The following MAN2A1 variants were observed in gnomAD, a reference collection of about 807,000 sequenced individuals.
MAN2A1 encodes the protein alpha-mannosidase 2.
Under a neutral mutation model 142.6 loss-of-function variants are expected in MAN2A1, and 76 were observed. The ratio of observed to expected loss-of-function variants is 0.53; its 90% CI spans 0.44 to 0.65. The LOEUF (loss-of-function observed/expected upper bound fraction) is 0.65, where lower values mean the gene tolerates loss of function less well. Ranked by LOEUF, MAN2A1 falls within the 30% of genes least tolerant of loss-of-function variation. The pLI is 0.00. For missense variants in MAN2A1, 1,311 were observed against 1,365.1 expected, an observed-to-expected ratio of 0.96 and a Z score of 0.62; for synonymous variants, 559 against 473.2, an observed-to-expected ratio of 1.18 and a Z score of -2.35.
intron 6 of MAN2A1, among the ~76,000 whole-genome samples, chr5:109,768,959 A>G (rs1469462532): frequency 6.6e-6 from 1 of 152,256 alleles, no homozygotes; most frequent in Non-Finnish European, 1.5e-5. Flanking sequence ...TGTTGAAAAC[A>G]TCCTTGCTTA....
intron 16 of MAN2A1, among the ~76,000 whole-genome samples, chr5:109,832,143 G>A (rs1239093224): frequency 2.1e-5 from 3 of 143,192 alleles, no homozygotes; most frequent in Non-Finnish European, 3.0e-5. Context: ...ATAAGTAGCT[G>A]GTAATGGAAG....
At position 109,842,806 on chromosome 5, in the gene MAN2A1, G is replaced by GTTTTT. The variant is rs768238978; in HGVS notation, c.2700+358_2700+362dup. On this transcript the variant is annotated intron_variant, in intron 17 of 21. Coordinates refer to ENST00000261483, the MANE Select transcript of MAN2A1 (RefSeq NM_002372.4). ...GGGATTGATGGATTATACTTATTGG[G>GTTTTT]TTTTTTTTTTTTTTTTTGAGAAAGA... is the stretch of plus-strand genomic sequence containing the variant. Among the ~76,000 whole-genome samples the GTTTTT allele has an allele frequency of 4.8e-4, 56 of 116,182 alleles. 3 individuals are homozygous for GTTTTT. The highest frequency in any genetic ancestry group is 0.01 in the Middle Eastern group (2 of 198). 76.2% of individuals were successfully genotyped at this position (116,182 alleles called of 152,430 possible).
intron 16 of MAN2A1, among the ~76,000 whole-genome samples, chr5:109,827,200 G>A (rs1289961902): frequency 2.6e-5 from 4 of 152,166 alleles, no homozygotes; most frequent in Non-Finnish European, 4.4e-5. Flanking sequence ...TACTGTAATT[G>A]TATTAGGTTA....
Position 109,757,045 on chromosome 5 carries a change from C to T in MAN2A1, c.835+1589C>T, listed in dbSNP as rs145353865. ...CCTGTATGACTCCATGGGGAGAGGA[C>T]GCTTAGAAGCTTGCACCTGGTTTCC... On this transcript the variant is annotated intron_variant, in intron 5 of 21. Coordinates refer to ENST00000261483, the MANE Select transcript of MAN2A1 (RefSeq NM_002372.4). 3.0e-4 allele frequency among the ~76,000 whole-genome samples: 45 copies of T among 152,244 alleles called. No homozygotes were observed. In the East Asian group the frequency reaches 7.7e-3, roughly 26 times the overall value.
intron 4 of MAN2A1, among the ~76,000 whole-genome samples, chr5:109,735,475 C>G (rs1752063216): frequency 6.6e-6 from 1 of 152,146 alleles, no homozygotes; most frequent in Non-Finnish European, 1.5e-5. Context: ...CCTCGATGGT[C>G]TTTACAATTT....
intron 15 of MAN2A1, among the ~76,000 whole-genome samples, chr5:109,821,325 T>A (rs1754616531): frequency 6.6e-6 from 1 of 152,210 alleles, no homozygotes; most frequent in South Asian, 2.1e-4. Context: ...AAGATGTTGC[T>A]TATATTCTTT....
At chr5:109,690,675 G>T in intron 1 of MAN2A1, 123 bp downstream of exon 1, 1 of 1,115,398 alleles carries the variant, frequency 9.0e-7, no homozygotes, top group South Asian at 1.4e-5. Flanking sequence ...CGAGGCCAGG[G>T]GCTCTGTAGC....
At chr5:109,814,916 A>G (rs1754413016) in intron 12 of MAN2A1, among the ~76,000 whole-genome samples, 1 of 152,274 alleles carries the variant, frequency 6.6e-6, no homozygotes, top group South Asian at 2.1e-4. Context: ...GCCAGTAGGG[A>G]TTCTAGGCTT....
chr5:109,746,793 A>G (rs987001448), intron 4 of MAN2A1, among the ~76,000 whole-genome samples: 3 of 152,032 alleles, frequency 2.0e-5, no homozygotes, highest in African/African-American at 7.2e-5. Context: ...CCTGGCAACC[A>G]CTGTTCTGTT....
chr5:109,758,420 A>G (rs1276282265), intron 5 of MAN2A1, among the ~76,000 whole-genome samples: 5 of 151,702 alleles, frequency 3.3e-5, no homozygotes, highest in Non-Finnish European at 7.4e-5. Context: ...TATTGTGGTT[A>G]AAAGTTCTTT....
intron 20 of MAN2A1, among the ~76,000 whole-genome samples, chr5:109,856,161 T>C (rs985552984): frequency 2.6e-5 from 4 of 152,136 alleles, no homozygotes; most frequent in Non-Finnish European, 4.4e-5. Flanking sequence ...GTCTAAGATA[T>C]AGGAGAAAAA....
In MAN2A1 at chr5:109,735,878, GTTTTTTTTTT is replaced by G. The variant is rs35796131; in HGVS notation, c.707+6377_707+6386del. ...TTGACTTTTTATAATTTCCATTGGA[GTTTTTTTTTT>G]TTTTTTTTTTTCCCTCTTGATAGGA... On this transcript the variant is annotated intron_variant, in intron 4 of 21. Transcript: ENST00000261483. Among the ~76,000 whole-genome samples, 5 of 98,404 alleles carry G rather than the reference GTTTTTTTTTT, an allele frequency of 5.1e-5. No homozygotes were observed. The South Asian group carries it at 1.0e-3, about 20-fold the overall frequency. The allele number at this position is 98,404 out of a possible 152,430, so 64.6% of individuals were successfully genotyped here. A position where few individuals can be genotyped will look rare whatever the true frequency, so the allele number is the denominator to read the frequency against.
chr5:109,788,981 C>T lies in MAN2A1; in HGVS notation c.1808C>T (p.Ala603Val). 6.2e-7 allele frequency: 1 copy of T among 1,605,698 alleles called. No homozygotes were observed. The highest frequency in any genetic ancestry group is 2.2e-5 in the East Asian group (1 of 44,584). Residue 603 changes from alanine to valine, a missense_variant, in exon 11 of 22, where the codon GCA (alanine) becomes GTA (valine). Ala to Val is a moderately conservative substitution (Grantham distance 64, BLOSUM62 0). Around this residue, in one of 3 missense-constraint regions of MAN2A1, gnomAD observed 890 missense variants for 920.5 expected, o/e 0.97. Transcript: ENST00000261483. The part of the protein sequence containing the change: ...MVLEKIIGNS[A>V]FLLILKDKLT... Reference sequence around the variant, plus strand: ...TTGGAGAAGATAATTGGAAATTCTGCATTTCTTCTTATTTTGAAGGACAAA... The same window carrying T: ...TTGGAGAAGATAATTGGAAATTCTGTATTTCTTCTTATTTTGAAGGACAAA...
At chr5:109,852,835 A>G (rs1755517749) in intron 19 of MAN2A1, among the ~76,000 whole-genome samples, 1 of 152,210 alleles carries the variant, frequency 6.6e-6, no homozygotes, top group Non-Finnish European at 1.5e-5. Flanking sequence ...CTTTGTAGAG[A>G]TTAATTTAAA....
intron 12 of MAN2A1, among the ~76,000 whole-genome samples, chr5:109,791,331 T>G (rs190030694): frequency 5.4e-3 from 821 of 152,160 alleles, no homozygotes; most frequent in Middle Eastern, 0.02. Flanking sequence ...CTATTTTACT[T>G]GTTAGCTGCA....
chr5:109,742,424 A>T (rs911982829), intron 4 of MAN2A1, among the ~76,000 whole-genome samples: 2 of 152,190 alleles, frequency 1.3e-5, no homozygotes, highest in African/African-American at 2.4e-5. Flanking sequence ...CTTTATTTAT[A>T]TAATCTTTGT....
chr5:109,803,874 T>G (rs984675628), intron 12 of MAN2A1, among the ~76,000 whole-genome samples: 1 of 152,112 alleles, frequency 6.6e-6, no homozygotes, highest in African/African-American at 2.4e-5. Flanking sequence ...ACTAAATATC[T>G]GGAGTATGAG....
intron 10 of MAN2A1, among the ~76,000 whole-genome samples, chr5:109,786,425 G>A (rs1753596975): frequency 6.6e-6 from 1 of 152,020 alleles, no homozygotes; most frequent in Non-Finnish European, 1.5e-5. Flanking sequence ...AGGTCATTGA[G>A]CTTTGGCTAC....
At chr5:109,863,287 T>C (rs1263159657) in intron 20 of MAN2A1, 3 of 152,240 alleles carry the variant, frequency 2.0e-5, no homozygotes, top group Non-Finnish European at 4.4e-5. Flanking sequence ...AAAGTTGTAA[T>C]GTCAAATAAA....
Sources: gnomAD v4.1 joint callset for allele counts (sites outside exome capture counted in the v4.1 genomes callset) on GRCh38, gnomAD v4.1.1 for gene constraint, gnomAD v4.1.1 regional missense constraint, MANE v1.5 for transcripts, NCBI Gene and HGNC (gene_info 2026-07-23, HGNC 2026-07-21) for gene names.